The following CCDC50 variants were observed in gnomAD, a reference collection of about 807,000 sequenced individuals.
CCDC50 encodes the protein coiled-coil domain-containing protein 50.
In CCDC50, 54 loss-of-function variants were observed where a neutral mutation model predicts 70.2. The ratio of observed to expected loss-of-function variants is 0.77; its 90% CI spans 0.62 to 0.96. CCDC50 has a LOEUF of 0.96. Ranked by LOEUF, CCDC50 falls within the 50% of genes least tolerant of loss-of-function variation. CCDC50 has a pLI of 0.00. For missense variants in CCDC50, 558 were observed against 578.7 expected, an observed-to-expected ratio of 0.96 and a Z score of 0.37; for synonymous variants, 216 against 198.8, an observed-to-expected ratio of 1.09 and a Z score of -0.73.
intron 1 of CCDC50, among the ~76,000 whole-genome samples, chr3:191,338,728 T>C (rs1178287313): frequency 6.6e-6 from 1 of 152,234 alleles, no homozygotes; most frequent in Non-Finnish European, 1.5e-5. Context: ...ATTTTACTTT[T>C]ACTTTTTGTT....
rs1386183316 is a variant in CCDC50, at chr3:191,398,232, A to C, written c.*6472A>C. ...ACATCTACATTAATTCATCTATGCA[A>C]ACTTGTGTTTTCATGGTTTGTTTTT... On this transcript the variant is annotated 3_prime_UTR_variant, in exon 12 of 12. Transcript: ENST00000392455. The C allele has an allele frequency of 1.3e-5, 2 of 152,182 alleles. No homozygotes were observed. Among genetic ancestry groups the C allele is most frequent in the African/African-American group, 4.8e-5 (2 of 41,440 alleles). The allele number at this position is 152,182 out of a possible 1,614,324, so 9.4% of individuals were successfully genotyped here.
Position 191,393,601 on chromosome 3 carries a change from A to G in CCDC50, c.*1841A>G, listed in dbSNP as rs978221621. On this transcript the variant is annotated 3_prime_UTR_variant, in exon 12 of 12. Coordinates refer to ENST00000392455, the MANE Select transcript of CCDC50 (RefSeq NM_178335.3). ...AATGTTAATCAGAAAGATAATCTAC[A>G]TCCCTACTTTATGTAGTCATTTTGG... 3 of 152,220 alleles carry G rather than the reference A, an allele frequency of 2.0e-5. No individual in the cohort carries two copies. The East Asian group carries it at 5.8e-4, about 29-fold the overall frequency. The allele number at this position is 152,220 out of a possible 1,614,324, so 9.4% of individuals were successfully genotyped here.
At chr3:191,353,331 GT>G (rs1712164313) in intron 1 of CCDC50, among the ~76,000 whole-genome samples, 2 of 141,764 alleles carry the variant, frequency 1.4e-5, no homozygotes, top group Non-Finnish European at 3.2e-5. Flanking sequence ...TGTTGATAGA[GT>G]TGGCTTACGG....
At chr3:191,358,162 G>A in intron 3 of CCDC50, 38 bp downstream of exon 3, 2 of 1,612,736 alleles carry the variant, frequency 1.2e-6, no homozygotes, top group Non-Finnish European at 1.7e-6. Context: ...ATGCAAGACT[G>A]GTTTTCTCTG....
In CCDC50 at chr3:191,362,604, C is replaced by T. The variant is rs190248332; in HGVS notation, c.330+1445C>T. On this transcript the variant is annotated intron_variant, in intron 4 of 11. Coordinates refer to ENST00000392455, the MANE Select transcript of CCDC50 (RefSeq NM_178335.3). ...TTTGTTAAGCACCCAGAAACACTTT[C>T]GAGGGTTATAAGCATGGTGTTAATT... Among the ~76,000 whole-genome samples, 460 of 152,244 alleles carry T rather than the reference C, an allele frequency of 3.0e-3. 1 individual carries two copies. The highest frequency in any genetic ancestry group is 9.8e-3 in the African/African-American group (407 of 41,536).
At chr3:191,367,264 G>A (rs1443890077) in intron 4 of CCDC50, among the ~76,000 whole-genome samples, 1 of 151,888 alleles carries the variant, frequency 6.6e-6, no homozygotes, top group East Asian at 1.9e-4. Flanking sequence ...TTCTCTCCTG[G>A]TTCTTTACAC....
At chr3:191,336,520 T>C (rs1342488596) in intron 1 of CCDC50, among the ~76,000 whole-genome samples, 1 of 152,014 alleles carries the variant, frequency 6.6e-6, no homozygotes, top group African/African-American at 2.4e-5. Context: ...TCGACTATTT[T>C]CTTATTATTG....
At chr3:191,387,934 T>A (rs1033482227) in intron 10 of CCDC50, among the ~76,000 whole-genome samples, 3 of 152,194 alleles carry the variant, frequency 2.0e-5, no homozygotes, top group African/African-American at 7.2e-5. Context: ...AGCCACTTGT[T>A]TGCTTTTTGA....
intron 4 of CCDC50, among the ~76,000 whole-genome samples, chr3:191,365,631 G>A (rs994640537): frequency 6.6e-6 from 1 of 152,070 alleles, no homozygotes; most frequent in Non-Finnish European, 1.5e-5. Flanking sequence ...TATGTTAATT[G>A]CTAGTTAATA....
At chr3:191,366,898 A>G (rs1275476591) in intron 4 of CCDC50, among the ~76,000 whole-genome samples, 2 of 152,088 alleles carry the variant, frequency 1.3e-5, no homozygotes, top group East Asian at 1.9e-4. Flanking sequence ...CTGGTTAGCT[A>G]CATCCAAGTA....
chr3:191,361,660 A>G (rs551350247), intron 4 of CCDC50, among the ~76,000 whole-genome samples: 2 of 152,336 alleles, frequency 1.3e-5, no homozygotes, highest in South Asian at 4.1e-4. Context: ...TCTTCCTGCA[A>G]GGACATCAGT....
chr3:191,350,843 T>G (rs1186423570), intron 1 of CCDC50, among the ~76,000 whole-genome samples: 3 of 142,018 alleles, frequency 2.1e-5, no homozygotes, highest in Non-Finnish European at 4.8e-5. Flanking sequence ...CAGAGTTAGT[T>G]TAGCAAAATG....
intron 1 of CCDC50, among the ~76,000 whole-genome samples, chr3:191,336,586 C>A (rs980967912): frequency 3.9e-5 from 6 of 152,022 alleles, no homozygotes; most frequent in African/African-American, 1.4e-4. Context: ...ACACAGTTTG[C>A]CCATGTCCAT....
chr3:191,375,005 A>C, intron 5 of CCDC50, 57 bp from the exon 6 acceptor site: 6 of 1,524,552 alleles, frequency 3.9e-6, no homozygotes, highest in Non-Finnish European at 5.4e-6. Flanking sequence ...GTGAGTTCAT[A>C]ACTCTCATTA....
chr3:191,334,990 A>G (rs1718095127), intron 1 of CCDC50, among the ~76,000 whole-genome samples: 1 of 152,176 alleles, frequency 6.6e-6, no homozygotes, highest in African/African-American at 2.4e-5. Context: ...GCAAAAATGC[A>G]TGTCTTCTCT....
chr3:191,346,314 T>C (rs188407898), intron 1 of CCDC50, among the ~76,000 whole-genome samples: 10 of 152,350 alleles, frequency 6.6e-5, no homozygotes, highest in Non-Finnish European at 1.5e-5. Context: ...GGAAGATGAA[T>C]TGGAAAATAT....
chr3:191,337,505 C>T (rs1160440223), intron 1 of CCDC50, among the ~76,000 whole-genome samples: 1 of 151,924 alleles, frequency 6.6e-6, no homozygotes, highest in Non-Finnish European at 1.5e-5. Context: ...CCACTATGCC[C>T]AGCTAATTTT....
intron 6 of CCDC50, among the ~76,000 whole-genome samples, chr3:191,377,851 A>G (rs1358756877): frequency 6.6e-6 from 1 of 152,146 alleles, no homozygotes; most frequent in East Asian, 1.9e-4. Flanking sequence ...ATTAAGATAT[A>G]TATGGAACTT....
chr3:191,340,217 A>G (rs1012875450), intron 1 of CCDC50, among the ~76,000 whole-genome samples: 1 of 152,232 alleles, frequency 6.6e-6, no homozygotes, highest in Non-Finnish European at 1.5e-5. Flanking sequence ...CATTCACTTG[A>G]CAAGCTGCTG....
Sources: allele counts gnomAD v4.1 joint callset (sites outside exome capture counted in the v4.1 genomes callset), GRCh38; gene constraint gnomAD v4.1.1; transcripts MANE v1.5; gene names NCBI Gene and HGNC (gene_info 2026-07-23, HGNC 2026-07-21).